PTPRN2: variants seen among roughly 807,000 people sequenced by gnomAD.
PTPRN2 encodes the protein receptor-type tyrosine-protein phosphatase N2.
Under a neutral mutation model 118.8 loss-of-function variants are expected in PTPRN2, and 74 were observed. That is an observed-to-expected ratio of 0.62 (90% confidence interval 0.52 to 0.76). The LOEUF is 0.76. PTPRN2 is among the 30% of genes least tolerant of loss of function. The pLI is 0.00. For synonymous variants in PTPRN2, 641 were observed against 608.0 expected, an observed-to-expected ratio of 1.05 and a Z score of -0.80; for missense variants, 1,481 against 1,394.4, an observed-to-expected ratio of 1.06 and a Z score of -0.99.
chr7:157,667,419 C>T (rs952462065), intron 13 of PTPRN2, among the ~76,000 whole-genome samples: 2 of 152,198 alleles, frequency 1.3e-5, no homozygotes, highest in Non-Finnish European at 2.9e-5. Flanking sequence ...TGATCTTACA[C>T]GGGTGTGGGC....
At chr7:158,370,349 T>C (rs1318555397) in intron 2 of PTPRN2, among the ~76,000 whole-genome samples, 4 of 152,046 alleles carry the variant, frequency 2.6e-5, no homozygotes, top group Non-Finnish European at 1.5e-5. Flanking sequence ...GGCAGGAGAA[T>C]TGCTTGAACC....
Position 157,571,286 on chromosome 7 carries a change from G to A in PTPRN2, c.2837+154C>T, listed in dbSNP as rs868859523. Reference sequence around the variant, plus strand: ...ACGCCCAATTGTATTTACCCAAATGGCATAGAAAAGTAAGTTTATATTTTT... The same window carrying A: ...ACGCCCAATTGTATTTACCCAAATGACATAGAAAAGTAAGTTTATATTTTT... On this transcript the variant is annotated intron_variant, in intron 20 of 22. Transcript: ENST00000389418. Among the ~76,000 whole-genome samples, 5 of 151,396 alleles carry A rather than the reference G, an allele frequency of 3.3e-5. No individual in the cohort carries two copies. The South Asian group carries it at 6.3e-4, about 19-fold the overall frequency.
At chr7:158,199,041 T>C (rs1826429358) in intron 4 of PTPRN2, among the ~76,000 whole-genome samples, 1 of 152,146 alleles carries the variant, frequency 6.6e-6, no homozygotes, top group Non-Finnish European at 1.5e-5. Flanking sequence ...TTGGTTATCT[T>C]AGCCCTTAGC....
At chr7:158,157,638 C>T (rs1053133945) in intron 6 of PTPRN2, among the ~76,000 whole-genome samples, 7 of 152,214 alleles carry the variant, frequency 4.6e-5, no homozygotes, top group Non-Finnish European at 8.8e-5. Flanking sequence ...CACACACGGC[C>T]GCTGCCACCC....
chr7:157,998,729 A>T (rs1804978461), intron 11 of PTPRN2, among the ~76,000 whole-genome samples: 1 of 150,276 alleles, frequency 6.7e-6, no homozygotes, highest in Non-Finnish European at 1.5e-5. Flanking sequence ...ATGCTGTGGC[A>T]GGCAAATACT....
At chr7:157,759,097 A>G (rs1474178230) in intron 12 of PTPRN2, among the ~76,000 whole-genome samples, 1 of 152,200 alleles carries the variant, frequency 6.6e-6, no homozygotes, top group East Asian at 1.9e-4. Context: ...CTGAAAAATC[A>G]TGTCCTGTGA....
Position 158,047,094 on chromosome 7 carries a change from CCT to C in PTPRN2, c.1723+34202_1723+34203del, listed in dbSNP as rs530004814. ...CACTCAACTCAAACCACATCCCATTCCTCTCTCATGCAAACTCATCTGGTCAC... is the reference window on the plus strand; with the variant it reads ...CACTCAACTCAAACCACATCCCATTCCTCTCATGCAAACTCATCTGGTCAC... On this transcript the variant is annotated intron_variant, in intron 11 of 22. Coordinates refer to ENST00000389418, the MANE Select transcript of PTPRN2 (RefSeq NM_002847.5). 4.8e-3 allele frequency among the ~76,000 whole-genome samples: 726 copies of C among 152,354 alleles called. 7 individuals are homozygous for C. The highest frequency in any genetic ancestry group is 0.017 in the African/African-American group (703 of 41,592).
intron 12 of PTPRN2, among the ~76,000 whole-genome samples, chr7:157,735,121 G>A (rs1585338380): frequency 1.3e-5 from 2 of 152,204 alleles, no homozygotes; most frequent in East Asian, 3.9e-4. Context: ...GTGCTCAGCT[G>A]AACACGGCTC....
intron 14 of PTPRN2, among the ~76,000 whole-genome samples, chr7:157,648,184 G>A (rs1402835103): frequency 6.0e-5 from 3 of 50,108 alleles, no homozygotes; most frequent in African/African-American, 1.5e-4. Flanking sequence ...CACTGAACTC[G>A]GTGGGTTGGA....
Position 157,587,443 on chromosome 7 carries a change from A to AT in PTPRN2, c.2496+7794dup, listed in dbSNP as rs1313488132. ...GGTCTTCCACAGTTCCAAGTTCAGG[A>AT]TTTTTTCTTAACCATAGTAAGAACT... On this transcript the variant is annotated intron_variant, in intron 17 of 22. Transcript: ENST00000389418. This position sits in a 1 kb window ranked among gnomAD's most constrained non-coding sequence, Gnocchi z 5.3. Among the ~76,000 whole-genome samples, 2 of 152,170 alleles carry AT rather than the reference A, an allele frequency of 1.3e-5. No homozygotes were observed. The highest frequency in any genetic ancestry group is 2.9e-5 in the Non-Finnish European group (2 of 68,030).
chr7:157,866,159 G>A (rs1481406382), intron 12 of PTPRN2: 1 of 152,172 alleles, frequency 6.6e-6, no homozygotes, highest in Non-Finnish European at 1.5e-5. Flanking sequence ...TGAGGCCCGG[G>A]TTCTGCAAAG....
chr7:158,521,781 C>G (rs371585596), intron 1 of PTPRN2, among the ~76,000 whole-genome samples: 3 of 66,840 alleles, frequency 4.5e-5, no homozygotes, highest in South Asian at 7.8e-4. Flanking sequence ...GTCCACGTCA[C>G]AATGGTGGAC....
chr7:158,505,351 G>A (rs1003872312), intron 1 of PTPRN2, among the ~76,000 whole-genome samples: 1 of 152,090 alleles, frequency 6.6e-6, no homozygotes, highest in African/African-American at 2.4e-5. Flanking sequence ...AAAGCTTTTC[G>A]TTCCATGTGC....
At chr7:158,236,510 G>A (rs1360382700) in intron 3 of PTPRN2, among the ~76,000 whole-genome samples, 3 of 152,190 alleles carry the variant, frequency 2.0e-5, no homozygotes, top group East Asian at 1.9e-4. Flanking sequence ...CTGCCCTGGC[G>A]TCTGTGGGGT....
At chr7:158,532,731 C>G (rs1215385071) in intron 1 of PTPRN2, 1 of 534,612 alleles carries the variant, frequency 1.9e-6, no homozygotes, top group Non-Finnish European at 3.8e-6. Flanking sequence ...GGCGCTTCCT[C>G]CAGACACACC....
intron 2 of PTPRN2, among the ~76,000 whole-genome samples, chr7:158,421,670 C>T (rs556345351): frequency 4.6e-5 from 7 of 152,240 alleles, no homozygotes; most frequent in African/African-American, 1.4e-4. Context: ...CTTATGGTTT[C>T]CATGAAAATG....
rs543812169 is a variant in PTPRN2, at chr7:158,521,533, A to G, written c.113-31748T>C. Among the ~76,000 whole-genome samples, 43 of 151,444 alleles carry G rather than the reference A, an allele frequency of 2.8e-4. 9 individuals carry two copies. The highest frequency in any genetic ancestry group is 1.4e-3 in the Admixed American group (22 of 15,214). ...GCACGCTGGGTGCTGGCTCAGGAGG[A>G]AGGTCCGCATCGGAATGGTGGACTG... is the stretch of plus-strand genomic sequence containing the variant. On this transcript the variant is annotated intron_variant, in intron 1 of 22. Transcript: ENST00000389418.
chr7:158,189,657 G>T (rs1482903463), intron 5 of PTPRN2, among the ~76,000 whole-genome samples: 3 of 152,170 alleles, frequency 2.0e-5, no homozygotes, highest in Non-Finnish European at 4.4e-5. Flanking sequence ...TTTTAATGAC[G>T]CCTCCCCCTT....
intron 3 of PTPRN2, among the ~76,000 whole-genome samples, chr7:158,225,630 G>A (rs556849156): frequency 6.6e-6 from 1 of 152,286 alleles, no homozygotes; most frequent in East Asian, 1.9e-4. Flanking sequence ...ATCCAAGTTG[G>A]AGTGCAATCA....
Sources: allele counts gnomAD v4.1 joint callset (sites outside exome capture counted in the v4.1 genomes callset), GRCh38; gene constraint gnomAD v4.1.1; non-coding constraint Gnocchi (gnomAD v3.1); transcripts MANE v1.5; gene names NCBI Gene and HGNC (gene_info 2026-07-23, HGNC 2026-07-21).